Variants in CACNA2D3 observed in about 807,000 individuals in gnomAD.
The protein encoded by CACNA2D3 is voltage-dependent calcium channel subunit alpha-2/delta-3.
Under a neutral mutation model 160.6 loss-of-function variants are expected in CACNA2D3, and 60 were observed. The ratio of observed to expected loss-of-function variants is 0.37; its 90% confidence interval spans 0.30 to 0.46. The LOEUF (loss-of-function observed/expected upper bound fraction) is 0.46. CACNA2D3 is among the 20% of genes least tolerant of loss of function. CACNA2D3 has a pLI of 1.00. For missense variants in CACNA2D3, 1,205 were observed against 1,365.0 expected (o/e 0.88, Z 1.85); for synonymous variants, 558 against 492.9 (o/e 1.13, Z -1.75).
intron 2 of CACNA2D3, among the ~76,000 whole-genome samples, chr3:54,190,534 A>T (rs1348467505): frequency 6.6e-6 from 1 of 152,158 alleles, no homozygotes; most frequent in Non-Finnish European, 1.5e-5. Context: ...TGTACGTTTG[A>T]TTTTTAGCCC....
intron 2 of CACNA2D3, among the ~76,000 whole-genome samples, chr3:54,240,061 T>G (rs1701946929): frequency 6.6e-6 from 1 of 152,210 alleles, no homozygotes; most frequent in South Asian, 2.1e-4. Context: ...ATAACTTAAT[T>G]TCTAATGTGG....
At chr3:54,284,931 A>T (rs1265034377) in intron 2 of CACNA2D3, among the ~76,000 whole-genome samples, 2 of 152,220 alleles carry the variant, frequency 1.3e-5, no homozygotes, top group East Asian at 1.9e-4. Flanking sequence ...TATGTCATAA[A>T]GGAGTATATA....
At chr3:54,609,162 T>C (rs940286912) in intron 9 of CACNA2D3, among the ~76,000 whole-genome samples, 1 of 152,142 alleles carries the variant, frequency 6.6e-6, no homozygotes, top group African/African-American at 2.4e-5. Flanking sequence ...GCTGTTCTTA[T>C]TAGAAAAAGA....
chr3:54,883,799 A>ATCTCTCTCACTCTCTCTCTCTC (rs1553904142), intron 21 of CACNA2D3, among the ~76,000 whole-genome samples: 2 of 107,480 alleles, frequency 1.9e-5, no homozygotes, highest in Non-Finnish European at 3.7e-5. Context: ...TTACAATGGA[A>ATCTCTCTCACTCTCTCTCTCTC]TCTCTCTCTC....
chr3:54,408,206 C>T (rs73844021), intron 4 of CACNA2D3, among the ~76,000 whole-genome samples: 2,081 of 152,254 alleles, frequency 0.014, 47 homozygotes, highest in African/African-American at 0.048. Flanking sequence ...AAGGAGACCT[C>T]ACCTAGTTTG....
At chr3:54,197,627 T>C (rs1701105303) in intron 2 of CACNA2D3, 1 of 152,200 alleles carries the variant, frequency 6.6e-6, no homozygotes, top group South Asian at 2.1e-4. Flanking sequence ...TGTGTGTTGG[T>C]TTCTCACAGC....
At chr3:54,461,563 T>G (rs925009837) in intron 4 of CACNA2D3, among the ~76,000 whole-genome samples, 2 of 151,722 alleles carry the variant, frequency 1.3e-5, no homozygotes, top group African/African-American at 4.9e-5. Context: ...TTTATTTGCA[T>G]AGAGGTGTTT....
At chr3:54,795,684 C>T (rs986060698) in intron 13 of CACNA2D3, among the ~76,000 whole-genome samples, 17 of 152,112 alleles carry the variant, frequency 1.1e-4, no homozygotes, top group African/African-American at 4.1e-4. Context: ...ATTTGGATTT[C>T]TCTAGTTTTT....
intron 14 of CACNA2D3, among the ~76,000 whole-genome samples, chr3:54,824,586 T>C (rs1199841178): frequency 2.6e-5 from 4 of 152,214 alleles, no homozygotes; most frequent in African/African-American, 7.2e-5. Flanking sequence ...TTGAGTCAGC[T>C]GGATATGGAG....
chr3:54,337,958 C>A (rs765143102), intron 3 of CACNA2D3, among the ~76,000 whole-genome samples: 1 of 152,230 alleles, frequency 6.6e-6, no homozygotes, highest in African/African-American at 2.4e-5. Context: ...CAGGCTGCCA[C>A]TTGCATCCAA....
chr3:54,751,227 T>C (rs1350176409), intron 11 of CACNA2D3, among the ~76,000 whole-genome samples: 1 of 152,068 alleles, frequency 6.6e-6, no homozygotes, highest in African/African-American at 2.4e-5. Flanking sequence ...TGCCTGCCCA[T>C]CCACCCCAGA....
intron 4 of CACNA2D3, among the ~76,000 whole-genome samples, chr3:54,415,330 C>T (rs1376161377): frequency 6.6e-6 from 1 of 152,048 alleles, no homozygotes; most frequent in Non-Finnish European, 1.5e-5. Context: ...TAAATTAAAC[C>T]TTGAATCTGG....
intron 31 of CACNA2D3, among the ~76,000 whole-genome samples, chr3:54,993,885 AGTGTGTGTGTGT>A (rs34012508): frequency 1.4e-4 from 16 of 111,542 alleles, no homozygotes; most frequent in East Asian, 2.6e-4. Flanking sequence ...TGCAACTGCT[AGTGTGTGTGTGT>A]GTGTGTGTGT....
intron 4 of CACNA2D3, among the ~76,000 whole-genome samples, chr3:54,473,043 G>A (rs1700764680): frequency 6.6e-6 from 1 of 151,966 alleles, no homozygotes; most frequent in South Asian, 2.1e-4. Context: ...TTTAAATTTT[G>A]TGTGGAACCA....
chr3:54,438,885 A>G (rs1700099139), intron 4 of CACNA2D3, among the ~76,000 whole-genome samples: 1 of 152,194 alleles, frequency 6.6e-6, no homozygotes, highest in Non-Finnish European at 1.5e-5. Context: ...ATTTTGTTTT[A>G]GTTTTCTGGT....
At chr3:54,626,876 C>G (rs1290213217) in intron 9 of CACNA2D3, among the ~76,000 whole-genome samples, 1 of 152,080 alleles carries the variant, frequency 6.6e-6, no homozygotes, top group Non-Finnish European at 1.5e-5. Context: ...GCTCTTGCCC[C>G]TTTGTTGGGA....
intron 3 of CACNA2D3, among the ~76,000 whole-genome samples, chr3:54,349,278 G>A (rs570988723): frequency 2.6e-5 from 4 of 152,302 alleles, no homozygotes; most frequent in Admixed American, 6.5e-5. Context: ...CACACCCCAA[G>A]CCTGCTGAGA....
At chr3:54,827,179 A>G (rs967087893) in intron 14 of CACNA2D3, among the ~76,000 whole-genome samples, 1 of 152,184 alleles carries the variant, frequency 6.6e-6, no homozygotes, top group East Asian at 1.9e-4. Context: ...TCAGATCTCT[A>G]CTCTGCTGTT....
intron 13 of CACNA2D3, among the ~76,000 whole-genome samples, chr3:54,807,123 C>A (rs1403619428): frequency 1.3e-5 from 2 of 152,142 alleles, no homozygotes; most frequent in East Asian, 3.9e-4. Context: ...CTGGGCATTA[C>A]CATTCAGGAC....
Sources: allele counts gnomAD v4.1 joint callset (sites outside exome capture counted in the v4.1 genomes callset), GRCh38; gene constraint gnomAD v4.1.1; transcripts MANE v1.5; gene names NCBI Gene and HGNC (gene_info 2026-07-23, HGNC 2026-07-21).